The following PPP1R9A variants were observed in gnomAD, a reference collection of about 807,000 sequenced individuals.
PPP1R9A encodes protein phosphatase 1 regulatory subunit 9A, also known as neurabin-1.
PPP1R9A carries 59 observed loss-of-function variants against 141.9 expected under a neutral mutation model. The observed-to-expected ratio is 0.42, with a 90% confidence interval of 0.34 to 0.52. The LOEUF (loss-of-function observed/expected upper bound fraction) is 0.52, where lower values mean the gene tolerates loss of function less well. Ranked by LOEUF, PPP1R9A falls within the 20% of genes least tolerant of loss-of-function variation. The pLI is 0.10. For missense variants in PPP1R9A, 1,444 were observed against 1,611.9 expected, an observed-to-expected ratio of 0.90 and a Z score of 1.78; for synonymous variants, 500 against 569.7, an observed-to-expected ratio of 0.88 and a Z score of 1.74.
chr7:95,199,228 A>G (rs1039158720), intron 6 of PPP1R9A, among the ~76,000 whole-genome samples: 4 of 152,314 alleles, frequency 2.6e-5, no homozygotes, highest in South Asian at 2.1e-4. Flanking sequence ...ATGGGACAAC[A>G]TGCTTTATTA....
In PPP1R9A at chr7:95,198,424, G is replaced by A; in HGVS notation, c.1830G>A (p.Glu610=). The change falls in exon 6 of 20, where the codon GAG becomes GAA. Residue 610 remains glutamate, a synonymous_variant. Transcript: ENST00000433360. ...TGATAAGCCAGACACTGGAACAGGA[G>A]AGGCGCCAGAGAGAGCTGCTGGAAC... ...AQLISQTLEQ[E]RRQRELLEQH... is the part of the protein sequence containing the mutation. The A allele has an allele frequency of 6.2e-7, 1 of 1,613,444 alleles. No individual in the cohort carries two copies. Among genetic ancestry groups the A allele is most frequent in the Non-Finnish European group, 8.5e-7 (1 of 1,179,720 alleles).
chr7:95,072,982 A>T (rs1003860016), intron 2 of PPP1R9A, among the ~76,000 whole-genome samples: 7 of 131,722 alleles, frequency 5.3e-5, no homozygotes, highest in South Asian at 2.2e-4. Flanking sequence ...TATAATAATA[A>T]TATTATTATT....
chr7:95,154,138 T>A (rs1266251084), intron 4 of PPP1R9A, among the ~76,000 whole-genome samples: 2 of 152,004 alleles, frequency 1.3e-5, no homozygotes, highest in African/African-American at 2.4e-5. Flanking sequence ...TATTTTTTTT[T>A]ATGTAGAGTT....
intron 8 of PPP1R9A, among the ~76,000 whole-genome samples, chr7:95,238,543 A>G (rs1267048167): frequency 9.2e-5 from 14 of 152,134 alleles, no homozygotes; most frequent in Admixed American, 9.2e-4. Flanking sequence ...TGTGTTCTGT[A>G]TGAGTTTCTC....
In PPP1R9A at chr7:95,293,283, T is replaced by C. The variant is rs1405759005; in HGVS notation, c.*2980T>C. The C allele has an allele frequency of 1.3e-5, 2 of 152,212 alleles. No individual in the cohort carries two copies. Among genetic ancestry groups the C allele is most frequent in the Non-Finnish European group, 2.9e-5 (2 of 68,034 alleles). The allele number at this position is 152,212 out of a possible 1,614,324, so 9.4% of individuals were successfully genotyped here. On this transcript the variant is annotated 3_prime_UTR_variant, in exon 20 of 20. Transcript: ENST00000433360. The stretch of plus-strand genomic sequence containing the variant: ...AAGTAACTCACAGTTTATGTAATAC[T>C]AATCTCATTCTTTTTTTACCTGAAT...
chr7:95,241,569 C>T (rs189217271), intron 8 of PPP1R9A, among the ~76,000 whole-genome samples: 11 of 151,986 alleles, frequency 7.2e-5, no homozygotes, highest in Admixed American at 2.0e-4. Flanking sequence ...ATGGAAGGTA[C>T]GGCGAGGCTG....
At chr7:95,007,089 C>T (rs562322764) in intron 2 of PPP1R9A, among the ~76,000 whole-genome samples, 22 of 152,084 alleles carry the variant, frequency 1.4e-4, no homozygotes, top group Middle Eastern at 3.4e-3. Flanking sequence ...CTTGAACTCC[C>T]GACCTCAGGT....
chr7:94,955,955 C>T (rs1256992694), intron 2 of PPP1R9A, among the ~76,000 whole-genome samples: 1 of 152,102 alleles, frequency 6.6e-6, no homozygotes, highest in East Asian at 1.9e-4. Flanking sequence ...ACTGGGATCT[C>T]GCTATCTGCT....
chr7:95,278,252 T>C (rs1295509028), intron 16 of PPP1R9A, among the ~76,000 whole-genome samples: 2 of 152,162 alleles, frequency 1.3e-5, no homozygotes, highest in African/African-American at 2.4e-5. Flanking sequence ...TTGCCTCTAG[T>C]CAGATAAGGC....
At chr7:95,192,476 C>T (rs1272566108) in intron 5 of PPP1R9A, among the ~76,000 whole-genome samples, 1 of 151,866 alleles carries the variant, frequency 6.6e-6, no homozygotes, top group Non-Finnish European at 1.5e-5. Context: ...ATGTTGCCAC[C>T]AAAGTTTCAG....
chr7:95,223,354 A>G (rs915800974), intron 7 of PPP1R9A, among the ~76,000 whole-genome samples: 4 of 152,032 alleles, frequency 2.6e-5, no homozygotes, highest in African/African-American at 9.7e-5. Flanking sequence ...GCTAAAAGGT[A>G]AGAATTGCAT....
At chr7:95,181,364 T>TATA (rs1491533128) in intron 5 of PPP1R9A, among the ~76,000 whole-genome samples, 42 of 139,088 alleles carry the variant, frequency 3.0e-4, no homozygotes, top group African/African-American at 1.1e-3. Context: ...ATATAGAATA[T>TATA]GTATGGAATA....
At chr7:94,938,234 G>A (rs1794972213) in intron 2 of PPP1R9A, among the ~76,000 whole-genome samples, 1 of 152,114 alleles carries the variant, frequency 6.6e-6, no homozygotes, top group Non-Finnish European at 1.5e-5. Context: ...AACTCTGCAT[G>A]TGGAGGGATC....
rs955842795 is a variant in PPP1R9A, at chr7:95,252,013, G to A, written c.2548G>A (p.Val850Ile). The A allele has an allele frequency of 2.5e-6, 4 of 1,613,046 alleles. No individual in the cohort carries two copies. Among genetic ancestry groups the A allele is most frequent in the Non-Finnish European group, 2.5e-6 (3 of 1,179,742 alleles). Reference protein sequence around the residue: ...FRLLKQNGTQVNNNNNIFERR... With the variant: ...FRLLKQNGTQINNNNNIFERR... ...GCTACTGAAGCAAAATGGGACTCAA[G>A]TTAACAATAATAACAACATCTTTGA... is the stretch of plus-strand genomic sequence containing the variant. Residue 850 changes from valine to isoleucine, a missense_variant, in exon 12 of 20, where the codon GTT becomes ATT. By Grantham distance (29) the Val-to-Ile change is conservative (BLOSUM62 3). Coordinates refer to ENST00000433360, the MANE Select transcript of PPP1R9A (RefSeq NM_001166160.2).
chr7:94,973,698 A>G (rs1256877839), intron 2 of PPP1R9A, among the ~76,000 whole-genome samples: 1 of 151,752 alleles, frequency 6.6e-6, no homozygotes, highest in Non-Finnish European at 1.5e-5. Context: ...GTGTTTTAGA[A>G]ATTTTATTTT....
chr7:95,168,791 C>T (rs976648130), intron 5 of PPP1R9A, among the ~76,000 whole-genome samples: 27 of 151,962 alleles, frequency 1.8e-4, no homozygotes, highest in Non-Finnish European at 5.9e-5. Flanking sequence ...AGATGCTCAA[C>T]ATCAGTAATC....
At chr7:95,155,785 A>G (rs1328845362) in intron 4 of PPP1R9A, 1 of 152,260 alleles carries the variant, frequency 6.6e-6, no homozygotes, top group East Asian at 1.9e-4. Flanking sequence ...TCTTAAAGAC[A>G]AGTTAATGAA....
At chr7:95,118,104 A>C (rs1235519728) in intron 3 of PPP1R9A, among the ~76,000 whole-genome samples, 2 of 152,154 alleles carry the variant, frequency 1.3e-5, no homozygotes, top group Non-Finnish European at 2.9e-5. Context: ...CACACAAGAG[A>C]ATTCATGGTG....
intron 2 of PPP1R9A, among the ~76,000 whole-genome samples, chr7:95,043,188 A>G (rs888066999): frequency 2.6e-5 from 4 of 152,184 alleles, no homozygotes; most frequent in Non-Finnish European, 5.9e-5. Flanking sequence ...AGAGAGACTT[A>G]AATTCCCCTT....
Sources: allele counts gnomAD v4.1 joint callset (sites outside exome capture counted in the v4.1 genomes callset), GRCh38; gene constraint gnomAD v4.1.1; transcripts MANE v1.5; gene names NCBI Gene and HGNC (gene_info 2026-07-23, HGNC 2026-07-21).